SASH1: variants seen among roughly 807,000 people sequenced by gnomAD.
SASH1 encodes the protein SAM and SH3 domain-containing protein 1.
In SASH1, 44 loss-of-function variants were observed where a neutral mutation model predicts 125.2. The observed-to-expected ratio is 0.35, with a 90% CI of 0.28 to 0.45. The LOEUF (loss-of-function observed/expected upper bound fraction) is 0.45. SASH1 is among the 20% of genes least tolerant of loss of function. The pLI, the probability that SASH1 is intolerant of heterozygous loss-of-function variation, is 1.00. For missense variants in SASH1, 1,426 were observed against 1,614.5 expected (o/e 0.88, Z 2.00); for synonymous variants, 639 against 649.1 (o/e 0.98, Z 0.24).
intron 10 of SASH1, among the ~76,000 whole-genome samples, chr6:148,520,549 A>G (rs1282384076): frequency 6.6e-6 from 1 of 152,118 alleles, no homozygotes; most frequent in Non-Finnish European, 1.5e-5. Flanking sequence ...TTTCACTTCC[A>G]GGCAGCTTTC....
At chr6:148,534,619 ATACT>A (rs1373171586) in intron 15 of SASH1, 128 bp from the exon 16 acceptor site, 5 of 871,456 alleles carry the variant, frequency 5.7e-6, no homozygotes, top group Non-Finnish European at 5.7e-6. Flanking sequence ...ATTGCAAATG[ATACT>A]TACTAATCTT....
chr6:148,223,205 TCTAA>T, the SASH1 span, among the ~76,000 whole-genome samples: 1 of 152,198 alleles, frequency 6.6e-6, no homozygotes, highest in Non-Finnish European at 1.5e-5. Flanking sequence ...CAGTCCTGCC[TCTAA>T]CTAACTAGGT....
chr6:148,467,088 C>CTTTTTT lies in SASH1; in HGVS notation c.387-1437_387-1432dup, dbSNP rs71004298. Among the ~76,000 whole-genome samples the CTTTTTT allele has an allele frequency of 1.9e-3, 135 of 69,936 alleles. 5 individuals carry two copies. Among genetic ancestry groups the CTTTTTT allele is most frequent in the East Asian group, 5.5e-3 (10 of 1,806 alleles). The allele number at this position is 69,936 out of a possible 152,430, so 45.9% of individuals were successfully genotyped here. A position where few individuals can be genotyped will look rare whatever the true frequency, so the allele number is the denominator to read the frequency against. ...CTCCACACTCTACTGTTCCCTGTTC[C>CTTTTTT]TTTTTTTTTTTTTTTTTTTTTTTTT... On this transcript the variant is annotated intron_variant, in intron 4 of 19. Coordinates refer to ENST00000367467, the MANE Select transcript of SASH1 (RefSeq NM_015278.5).
intron 1 of SASH1, among the ~76,000 whole-genome samples, chr6:148,320,029 T>TA (rs1208346576): frequency 6.6e-6 from 1 of 152,244 alleles, no homozygotes; most frequent in African/African-American, 2.4e-5. Context: ...GGCCCCAAAG[T>TA]ACAAGAGCAG....
chr6:148,335,358 A>G (rs1400516010), intron 1 of SASH1, among the ~76,000 whole-genome samples: 1 of 145,570 alleles, frequency 6.9e-6, no homozygotes, highest in Non-Finnish European at 1.5e-5. Context: ...CCTGCTACTC[A>G]GGAGGCTGAG....
rs765514947 is a variant in SASH1 at position 148,544,735 on chromosome 6, C to T, written c.3265C>T (p.Arg1089Trp). Residue 1089 changes from arginine to tryptophan, a missense_variant, in exon 18 of 20, where the codon CGG becomes TGG. Arg to Trp is a moderately radical substitution (Grantham distance 101). This residue lies in a region of SASH1 where 634 missense variants were observed against 694.4 expected (regional missense o/e 0.91). Transcript: ENST00000367467. The surrounding 1 kb of genome is among the most constrained non-coding windows in gnomAD (Gnocchi z 6.4). ...PALTRKVSCA[R>W]GVDLETLTEN... Reference sequence around the variant, plus strand: ...TTTGACCAGGAAGGTCTCCTGTGCCCGGGGAGTGGATCTAGAAACGCTCAC... The same window carrying T: ...TTTGACCAGGAAGGTCTCCTGTGCCTGGGGAGTGGATCTAGAAACGCTCAC... 15 of 1,608,088 alleles carry T rather than the reference C, an allele frequency of 9.3e-6. No homozygotes were observed. The highest frequency in any genetic ancestry group is 8.9e-5 in the East Asian group (4 of 44,706).
At chr6:148,262,001 T>C in the SASH1 span, among the ~76,000 whole-genome samples, 2 of 152,066 alleles carry the variant, frequency 1.3e-5, no homozygotes, top group African/African-American at 4.8e-5. Flanking sequence ...TCACACTCCA[T>C]CTTGACCGTG....
chr6:148,390,081 G>T, intron 1 of SASH1, 53 bp from the exon 2 acceptor site: 1 of 1,603,880 alleles, frequency 6.2e-7, no homozygotes, highest in African/African-American at 1.3e-5. Flanking sequence ...CGATGGCTGT[G>T]GGCTTTTCCA....
chr6:148,225,833 G>C, the SASH1 span, among the ~76,000 whole-genome samples: 1 of 152,304 alleles, frequency 6.6e-6, no homozygotes, highest in South Asian at 2.1e-4. Flanking sequence ...TAAATATTCA[G>C]AAGCTTTGTC....
chr6:148,333,878 A>G (rs1781067926), intron 1 of SASH1, among the ~76,000 whole-genome samples: 1 of 151,960 alleles, frequency 6.6e-6, no homozygotes, highest in African/African-American at 2.4e-5. Context: ...GCTGGACTGC[A>G]GTGGCGTGAT....
chr6:148,264,527 A>G, the SASH1 span, among the ~76,000 whole-genome samples: 2 of 152,206 alleles, frequency 1.3e-5, no homozygotes, highest in Non-Finnish European at 2.9e-5. Flanking sequence ...TTGGGTCTCA[A>G]ATAGAATTCA....
intron 1 of SASH1, among the ~76,000 whole-genome samples, chr6:148,290,288 T>G (rs1779593978): frequency 6.6e-6 from 1 of 151,838 alleles, no homozygotes. Context: ...CTCTTCTCTC[T>G]CCCAGTTGAG....
intron 1 of SASH1, chr6:148,283,500 G>T (rs538945468): frequency 1.3e-5 from 2 of 152,366 alleles, no homozygotes; most frequent in African/African-American, 4.8e-5. Context: ...GGCTGGGCGC[G>T]GTGGGTCACG....
At chr6:148,283,779 A>C (rs989405929) in intron 1 of SASH1, among the ~76,000 whole-genome samples, 14 of 151,974 alleles carry the variant, frequency 9.2e-5, no homozygotes, top group African/African-American at 3.4e-4. Context: ...TCTCAAAAAA[A>C]ATGAGTACTC....
chr6:148,391,413 A>G (rs1311697754), intron 2 of SASH1, among the ~76,000 whole-genome samples: 1 of 140,312 alleles, frequency 7.1e-6, no homozygotes, highest in Non-Finnish European at 1.5e-5. Flanking sequence ...CGGCCTAAAG[A>G]CACTTTTATA....
intron 4 of SASH1, among the ~76,000 whole-genome samples, chr6:148,451,849 A>G (rs1583183006): frequency 6.6e-6 from 1 of 152,354 alleles, no homozygotes; most frequent in East Asian, 1.9e-4. Flanking sequence ...TGGTGCTGAC[A>G]TGAATGCATC....
chr6:148,376,340 A>C lies in SASH1; in HGVS notation c.157-13794A>C, dbSNP rs1235389842. On this transcript the variant is annotated intron_variant, in intron 1 of 19. Coordinates refer to ENST00000367467, the MANE Select transcript of SASH1 (RefSeq NM_015278.5). ...CACCTGGGCCTCCCAAAGTGCTGGG[A>C]TTAGAGGAGTGAGCCACAGTGCCTC... Among the ~76,000 whole-genome samples the C allele has an allele frequency of 2.0e-5, 3 of 152,062 alleles. No individual in the cohort carries two copies. The East Asian group carries it at 5.8e-4, about 30-fold the overall frequency.
chr6:148,206,287 G>A, the SASH1 span, among the ~76,000 whole-genome samples: 1 of 151,936 alleles, frequency 6.6e-6, no homozygotes, highest in Non-Finnish European at 1.5e-5. Context: ...AATGGATCTT[G>A]TTGCCTTAAA....
the SASH1 span, among the ~76,000 whole-genome samples, chr6:148,199,651 C>T: frequency 6.6e-6 from 1 of 151,722 alleles, no homozygotes; most frequent in South Asian, 2.1e-4. Flanking sequence ...GAACTCTGAG[C>T]ATACCACTGC....
Sources: allele counts gnomAD v4.1 joint callset (sites outside exome capture counted in the v4.1 genomes callset), GRCh38; gene constraint gnomAD v4.1.1; regional missense constraint gnomAD v4.1.1; non-coding constraint Gnocchi (gnomAD v3.1); transcripts MANE v1.5; gene names NCBI Gene and HGNC (gene_info 2026-07-23, HGNC 2026-07-21).